LMCD1: variants seen among roughly 807,000 people sequenced by gnomAD.
The protein encoded by LMCD1 is LIM and cysteine rich domains 1, also known as LIM and cysteine-rich domains protein 1.
In LMCD1, 32 loss-of-function variants were observed where a neutral mutation model predicts 42.7. The observed-to-expected ratio is 0.75, with a 90% CI of 0.57 to 1.01. The LOEUF (loss-of-function observed/expected upper bound fraction) is 1.01. Ranked by LOEUF, LMCD1 falls within the 50% of genes least tolerant of loss-of-function variation. LMCD1 has a pLI of 0.00. For missense variants in LMCD1, 458 were observed against 483.1 expected (o/e 0.95, Z 0.49); for synonymous variants, 178 against 184.9 (o/e 0.96, Z 0.30).
In LMCD1 at chr3:8,572,432, G is replaced by A. The variant is rs1695234117; in HGVS notation, c.*4834G>A. On this transcript the variant is annotated 3_prime_UTR_variant, in exon 6 of 6. Coordinates refer to ENST00000157600, the MANE Select transcript of LMCD1 (RefSeq NM_014583.4). ...TAATAAGTATGTTTAGGGACTTTGAGACTATGTCAATGTCCTGTTCTTCAT... is the reference window on the plus strand; with the variant it reads ...TAATAAGTATGTTTAGGGACTTTGAAACTATGTCAATGTCCTGTTCTTCAT... 1 of 152,148 alleles carries A rather than the reference G, an allele frequency of 6.6e-6. No individual in the cohort carries two copies. The highest frequency in any genetic ancestry group is 2.1e-4 in the South Asian group (1 of 4,826). The allele number at this position is 152,148 out of a possible 1,614,324, so 9.4% of individuals were successfully genotyped here.
chr3:8,565,531 T>C lies in LMCD1; in HGVS notation c.823T>C (p.Cys275Arg). Residue 275 changes from cysteine (C) to arginine (R), a missense_variant, in exon 5 of 6, where the codon TGT (cysteine) becomes CGT (arginine). Transcript: ENST00000157600. ...NKQWHPTCFV[C>R]AKCSEPLVDL... Reference sequence around the variant, plus strand: ...GCAGTGGCACCCCACCTGCTTTGTGTGTGCCAAGTGCTCCGAGCCGCTGGT... The same window carrying C: ...GCAGTGGCACCCCACCTGCTTTGTGCGTGCCAAGTGCTCCGAGCCGCTGGT... 5 of 1,614,206 alleles carry C rather than the reference T, an allele frequency of 3.1e-6. No homozygotes were observed. Among genetic ancestry groups the C allele is most frequent in the Non-Finnish European group, 4.2e-6 (5 of 1,180,032 alleles).
At chr3:8,510,732 TAGTAA>T (rs1339767739) in intron 1 of LMCD1, among the ~76,000 whole-genome samples, 1 of 152,228 alleles carries the variant, frequency 6.6e-6, no homozygotes, top group Admixed American at 6.5e-5. Flanking sequence ...TTCATTAACT[TAGTAA>T]AGGCACATCT....
intron 3 of LMCD1, among the ~76,000 whole-genome samples, chr3:8,539,794 T>TC (rs1694583264): frequency 7.6e-6 from 1 of 131,032 alleles, no homozygotes; most frequent in African/African-American, 2.9e-5. Context: ...TTCCCAACAT[T>TC]TTTATTATTA....
At chr3:8,535,323 A>T (rs879454408) in intron 2 of LMCD1, among the ~76,000 whole-genome samples, 1 of 151,958 alleles carries the variant, frequency 6.6e-6, no homozygotes, top group African/African-American at 2.4e-5. Context: ...TATTTATTTA[A>T]TTTTTTTTGA....
chr3:8,558,989 G>A (rs138856358), intron 4 of LMCD1, among the ~76,000 whole-genome samples: 223 of 151,366 alleles, frequency 1.5e-3, no homozygotes, highest in Admixed American at 4.5e-3. Flanking sequence ...AGCCCTCTAG[G>A]GGATACTGAG....
chr3:8,567,565 G>T lies in LMCD1; in HGVS notation c.1065G>T (p.Leu355=), dbSNP rs369941691. Residue 355 remains leucine, a synonymous_variant, in exon 6 of 6, where the codon CTG becomes CTT. Transcript: ENST00000157600. ...ACATCGTCACCAAGGGTCAGCTTCTGTGCCCAACTTGCAGCAAGTCCAAAC... is the reference window on the plus strand; with the variant it reads ...ACATCGTCACCAAGGGTCAGCTTCTTTGCCCAACTTGCAGCAAGTCCAAAC... ...RAYIVTKGQL[L]CPTCSKSKRS 8.1e-6 allele frequency: 13 copies of T among 1,613,720 alleles called. No homozygotes were observed. In the African/African-American group the frequency reaches 1.1e-4, roughly 13 times the overall value.
intron 4 of LMCD1, chr3:8,550,767 C>T (rs1559355398): frequency 1.0e-6 from 1 of 985,146 alleles, no homozygotes; most frequent in Middle Eastern, 5.2e-4. Flanking sequence ...TGTCCACCCT[C>T]AAATAGCTGT....
chr3:8,553,645 A>G (rs1694877438), intron 4 of LMCD1, among the ~76,000 whole-genome samples: 1 of 152,150 alleles, frequency 6.6e-6, no homozygotes, highest in African/African-American at 2.4e-5. Flanking sequence ...TAGCCTTGGC[A>G]CCTCGGTCCA....
chr3:8,539,617 C>G (rs1340549702), intron 3 of LMCD1, among the ~76,000 whole-genome samples: 1 of 151,984 alleles, frequency 6.6e-6, no homozygotes, highest in Non-Finnish European at 1.5e-5. Flanking sequence ...GGTGAAAACC[C>G]CAAACACATT....
chr3:8,527,096 A>C (rs758930212), intron 1 of LMCD1, among the ~76,000 whole-genome samples: 2 of 152,232 alleles, frequency 1.3e-5, no homozygotes, highest in African/African-American at 2.4e-5. Flanking sequence ...CTTATCTGAA[A>C]ATGAGGCTAA....
At chr3:8,503,880 G>GTATA (rs1471291418) in intron 1 of LMCD1, among the ~76,000 whole-genome samples, 2 of 152,140 alleles carry the variant, frequency 1.3e-5, no homozygotes, top group Admixed American at 1.3e-4. Context: ...GTGAGATGAG[G>GTATA]TATATGGAGA....
intron 1 of LMCD1, among the ~76,000 whole-genome samples, chr3:8,502,488 G>A (rs1693779335): frequency 7.4e-6 from 1 of 135,874 alleles, no homozygotes; most frequent in Non-Finnish European, 1.5e-5. Flanking sequence ...TCAGGTGGCT[G>A]AAGTAAGGGT....
chr3:8,530,258 C>T (rs983553532), intron 1 of LMCD1, among the ~76,000 whole-genome samples: 1 of 152,214 alleles, frequency 6.6e-6, no homozygotes, highest in Admixed American at 6.5e-5. Context: ...ATGTGGGCAA[C>T]CCCAGTGCAA....
intron 3 of LMCD1, among the ~76,000 whole-genome samples, chr3:8,541,494 A>G (rs1694626500): frequency 6.6e-6 from 1 of 152,194 alleles, no homozygotes; most frequent in Non-Finnish European, 1.5e-5. Context: ...GGTTGCAGTG[A>G]GCCGAGATTG....
At chr3:8,527,304 G>A (rs1019705477) in intron 1 of LMCD1, among the ~76,000 whole-genome samples, 1 of 152,182 alleles carries the variant, frequency 6.6e-6, no homozygotes, top group Non-Finnish European at 1.5e-5. Context: ...CTTCAAAGGA[G>A]CTCCAATGGA....
At chr3:8,545,832 C>G (rs1021801130) in intron 3 of LMCD1, among the ~76,000 whole-genome samples, 5 of 152,166 alleles carry the variant, frequency 3.3e-5, no homozygotes. Flanking sequence ...AAGAGAAAAG[C>G]CACAGATAGA....
At chr3:8,517,434 TA>T (rs1274969055) in intron 1 of LMCD1, among the ~76,000 whole-genome samples, 1 of 152,230 alleles carries the variant, frequency 6.6e-6, no homozygotes, top group Non-Finnish European at 1.5e-5. Flanking sequence ...CTTCTGGTCC[TA>T]AGCATTTTGG....
At chr3:8,540,840 G>A (rs926507579) in intron 3 of LMCD1, among the ~76,000 whole-genome samples, 4 of 152,164 alleles carry the variant, frequency 2.6e-5, no homozygotes, top group African/African-American at 7.2e-5. Context: ...GCAGACAGAG[G>A]CCCGTGAGGA....
At chr3:8,562,060 A>G (rs866313233) in intron 4 of LMCD1, among the ~76,000 whole-genome samples, 5 of 152,204 alleles carry the variant, frequency 3.3e-5, no homozygotes, top group African/African-American at 1.2e-4. Context: ...GAACTGGCAG[A>G]AGACAGAAAT....
Sources: gnomAD v4.1 joint callset for allele counts (sites outside exome capture counted in the v4.1 genomes callset) on GRCh38, gnomAD v4.1.1 for gene constraint, MANE v1.5 for transcripts, NCBI Gene and HGNC (gene_info 2026-07-23, HGNC 2026-07-21) for gene names.